The following TUSC3 variants were observed in gnomAD, a reference collection of about 807,000 sequenced individuals.
The protein encoded by TUSC3 is dolichyl-diphosphooligosaccharide--protein glycosyltransferase subunit TUSC3.
In TUSC3, 45 loss-of-function variants were observed where a neutral mutation model predicts 44.8. The ratio of observed to expected loss-of-function variants is 1.00; its 90% CI spans 0.79 to 1.29. The LOEUF (loss-of-function observed/expected upper bound fraction) is 1.29, where lower values mean the gene tolerates loss of function less well. Among genes scored for constraint, TUSC3 ranks in the 50% most tolerant of loss-of-function variants. The probability of loss-of-function intolerance (pLI) is 0.00; values close to 1 mark genes in which losing one functional copy is unlikely to be tolerated. For missense variants in TUSC3, 519 were observed against 437.9 expected, an observed-to-expected ratio of 1.19 and a Z score of -1.65; for synonymous variants, 212 against 152.9, an observed-to-expected ratio of 1.39 and a Z score of -2.85.
chr8:15,801,814 G>A, the TUSC3 span, among the ~76,000 whole-genome samples: 6 of 152,158 alleles, frequency 3.9e-5, no homozygotes, highest in East Asian at 3.9e-4. Flanking sequence ...TCTTGTAGCC[G>A]GGTATAAATA....
chr8:15,800,759 G>A, the TUSC3 span, among the ~76,000 whole-genome samples: 1 of 152,094 alleles, frequency 6.6e-6, no homozygotes, highest in Non-Finnish European at 1.5e-5. Context: ...AGACGTTCAT[G>A]GCACAGCTAT....
intron 1 of TUSC3, among the ~76,000 whole-genome samples, chr8:15,439,411 G>C (rs1799992698): frequency 6.6e-6 from 1 of 152,138 alleles, no homozygotes; most frequent in African/African-American, 2.4e-5. Context: ...ACAAACAATA[G>C]CTGAGTGTTG....
chr8:15,626,824 GCTGAGGGGGGCC>G (rs1805530601), intron 2 of TUSC3, among the ~76,000 whole-genome samples: 1 of 152,222 alleles, frequency 6.6e-6, no homozygotes, highest in African/African-American at 2.4e-5. Flanking sequence ...TGGGAGAGTG[GCTGAGGGGGGCC>G]CTGAGGGAAG....
intron 1 of TUSC3, among the ~76,000 whole-genome samples, chr8:15,546,413 T>C (rs942351958): frequency 6.6e-6 from 1 of 151,892 alleles, no homozygotes; most frequent in African/African-American, 2.4e-5. Context: ...ACATAATTTC[T>C]TGGGGAGTTG....
chr8:15,734,645 T>C lies in TUSC3; in HGVS notation c.862+3916T>C, dbSNP rs182994634. Among the ~76,000 whole-genome samples, 150 of 152,324 alleles carry C rather than the reference T, an allele frequency of 9.8e-4. 1 individual carries two copies. Among genetic ancestry groups the C allele is most frequent in the African/African-American group, 2.9e-3 (121 of 41,580 alleles). ...AGGTAGGATGACAGAAAAATACTTA[T>C]AATACAGTGAGACAAATGTATGCGA... On this transcript the variant is annotated intron_variant, in intron 7 of 10. Coordinates refer to ENST00000503731, the MANE Select transcript of TUSC3 (RefSeq NM_006765.4).
chr8:15,754,803 C>T (rs1451190318), intron 9 of TUSC3, among the ~76,000 whole-genome samples: 1 of 151,734 alleles, frequency 6.6e-6, no homozygotes. Context: ...ATTTTTTTTA[C>T]ATTTTTTCCT....
chr8:15,463,159 C>T (rs952575196), intron 1 of TUSC3, among the ~76,000 whole-genome samples: 1 of 151,976 alleles, frequency 6.6e-6, no homozygotes, highest in East Asian at 1.9e-4. Flanking sequence ...TCCGTAAAAA[C>T]ATAAGTTTGC....
chr8:15,776,827 C>G, the TUSC3 span, among the ~76,000 whole-genome samples: 6 of 152,076 alleles, frequency 3.9e-5, no homozygotes, highest in African/African-American at 1.4e-4. Context: ...TCTATAAAAA[C>G]TCTGTAAGAT....
chr8:15,676,782 A>C (rs2129184346), intron 6 of TUSC3, among the ~76,000 whole-genome samples: 1 of 152,340 alleles, frequency 6.6e-6, no homozygotes, highest in East Asian at 1.9e-4. Flanking sequence ...GAAAGTGAGA[A>C]GCCTAGAGAA....
chr8:15,621,599 A>G (rs1189240950), intron 1 of TUSC3, among the ~76,000 whole-genome samples: 1 of 147,978 alleles, frequency 6.8e-6, no homozygotes, highest in African/African-American at 2.4e-5. Context: ...ATATGGATTT[A>G]TATATATAAA....
intron 1 of TUSC3, among the ~76,000 whole-genome samples, chr8:15,609,860 T>C (rs1804688900): frequency 6.6e-6 from 1 of 152,096 alleles, no homozygotes; most frequent in Non-Finnish European, 1.5e-5. Flanking sequence ...CCTATCTTTA[T>C]CAATAAACAT....
At chr8:15,516,294 A>C (rs563127115) in intron 2 of TUSC3, among the ~76,000 whole-genome samples, 1 of 152,304 alleles carries the variant, frequency 6.6e-6, no homozygotes, top group South Asian at 2.1e-4. Flanking sequence ...GTTTATTTCA[A>C]GTTTTTAAAG....
At chr8:15,654,672 C>G (rs1807076165) in intron 3 of TUSC3, among the ~76,000 whole-genome samples, 1 of 152,054 alleles carries the variant, frequency 6.6e-6, no homozygotes, top group African/African-American at 2.4e-5. Flanking sequence ...TGGCACATGT[C>G]TGTAATCCCA....
chr8:15,601,663 C>G (rs2410278), intron 1 of TUSC3, among the ~76,000 whole-genome samples: 128,944 of 151,516 alleles, frequency 0.85, 55,084 homozygotes, highest in Non-Finnish European at 0.87. Context: ...AGCAATAGGG[C>G]CATTGGTTTA....
intron 7 of TUSC3, chr8:15,733,391 G>T: frequency 2.5e-6 from 1 of 406,620 alleles, no homozygotes; most frequent in South Asian, 1.8e-5. Flanking sequence ...CCATGATGTA[G>T]CATCTTAGCA....
At chr8:15,718,429 G>A (rs921235236) in intron 6 of TUSC3, among the ~76,000 whole-genome samples, 10 of 152,100 alleles carry the variant, frequency 6.6e-5, no homozygotes, top group Admixed American at 5.2e-4. Flanking sequence ...TGACATTTAT[G>A]TGTACAGTTT....
intron 5 of TUSC3, among the ~76,000 whole-genome samples, chr8:15,665,840 A>G (rs1807633590): frequency 6.6e-6 from 1 of 151,176 alleles, no homozygotes; most frequent in East Asian, 1.9e-4. Context: ...TCTAAGGGGG[A>G]AAAATTTTTG....
At chr8:15,791,061 G>A in the TUSC3 span, among the ~76,000 whole-genome samples, 1 of 152,118 alleles carries the variant, frequency 6.6e-6, no homozygotes, top group South Asian at 2.1e-4. Context: ...CTAAACCCAG[G>A]GTAATGGAAA....
the TUSC3 span, among the ~76,000 whole-genome samples, chr8:15,850,414 A>T: frequency 1.3e-5 from 2 of 152,164 alleles, no homozygotes; most frequent in African/African-American, 4.8e-5. Flanking sequence ...TATACAATAA[A>T]TTTGACTTGC....
Sources: gnomAD v4.1 joint callset for allele counts (sites outside exome capture counted in the v4.1 genomes callset) on GRCh38, gnomAD v4.1.1 for gene constraint, MANE v1.5 for transcripts, NCBI Gene and HGNC (gene_info 2026-07-23, HGNC 2026-07-21) for gene names.